The following KAZN variants were observed in gnomAD, a reference collection of about 807,000 sequenced individuals.
The protein encoded by KAZN is kazrin, periplakin interacting protein, also known as kazrin.
A neutral mutation model predicts 87.4 loss-of-function variants in KAZN; 40 were observed. That is an observed-to-expected ratio of 0.46 (90% confidence interval 0.36 to 0.60). The LOEUF is 0.60. Ranked by LOEUF, KAZN falls within the 20% of genes least tolerant of loss-of-function variation. KAZN has a pLI of 0.00. For missense variants in KAZN, 898 were observed against 1,073.9 expected, an observed-to-expected ratio of 0.84 and a Z score of 2.29; for synonymous variants, 466 against 458.3, an observed-to-expected ratio of 1.02 and a Z score of -0.22.
At chr1:14,927,788 TATTATTTTATTACG>T (rs1659329564) in intron 1 of KAZN, among the ~76,000 whole-genome samples, 1 of 152,174 alleles carries the variant, frequency 6.6e-6, no homozygotes, top group Non-Finnish European at 1.5e-5. Flanking sequence ...TAAAATTCTG[TATTATTTTATTACG>T]ATGATCATTT....
In KAZN at chr1:15,056,992, T is replaced by A. The variant is rs1014847155; in HGVS notation, c.916+712T>A. 6.6e-6 allele frequency among the ~76,000 whole-genome samples: 1 copy of A among 152,248 alleles called. No individual in the cohort carries two copies. The highest frequency in any genetic ancestry group is 1.5e-5 in the Non-Finnish European group (1 of 68,046). The stretch of plus-strand genomic sequence containing the variant: ...GGAACAGGCATCCAGCAGCAGCCAA[T>A]GCACCAGAGGTAAGAGCTGGTCACT... On this transcript the variant is annotated intron_variant, in intron 5 of 14. Transcript: ENST00000376030. This position sits in a 1 kb window ranked among gnomAD's most constrained non-coding sequence, Gnocchi z 5.4.
intron 1 of KAZN, among the ~76,000 whole-genome samples, chr1:14,101,804 A>G (rs1644253381): frequency 6.6e-6 from 1 of 152,360 alleles, no homozygotes; most frequent in East Asian, 1.9e-4. Context: ...CAGGATAAAC[A>G]TCTTCCTTAT....
chr1:14,614,627 C>G (rs1678079055), intron 1 of KAZN, among the ~76,000 whole-genome samples: 1 of 152,196 alleles, frequency 6.6e-6, no homozygotes, highest in South Asian at 2.1e-4. Context: ...CAAATGTGAT[C>G]TGGTTGGGAG....
intron 1 of KAZN, among the ~76,000 whole-genome samples, chr1:14,936,100 A>C (rs990165189): frequency 4.6e-5 from 7 of 152,230 alleles, no homozygotes; most frequent in African/African-American, 1.4e-4. Flanking sequence ...CAGTGTGTGG[A>C]AAGGCAGGGG....
intron 1 of KAZN, among the ~76,000 whole-genome samples, chr1:14,753,245 A>G (rs12067489): frequency 0.025 from 3,866 of 152,158 alleles, 182 homozygotes; most frequent in African/African-American, 0.089. Context: ...TTTTCTTTCA[A>G]TAGGTTTTTA....
intron 2 of KAZN, among the ~76,000 whole-genome samples, chr1:14,562,388 T>C (rs888126612): frequency 3.3e-5 from 5 of 152,208 alleles, no homozygotes; most frequent in African/African-American, 9.6e-5. Flanking sequence ...ATTTTGTAGC[T>C]TGACTCACCT....
intron 2 of KAZN, among the ~76,000 whole-genome samples, chr1:14,343,653 GATTC>G (rs1657899744): frequency 6.6e-6 from 1 of 152,140 alleles, no homozygotes; most frequent in African/African-American, 2.4e-5. Context: ...GATTTTTATT[GATTC>G]AGACTGGAAC....
chr1:14,067,371 C>T (rs903940972), intron 1 of KAZN, among the ~76,000 whole-genome samples: 2 of 152,176 alleles, frequency 1.3e-5, no homozygotes, highest in African/African-American at 2.4e-5. Flanking sequence ...GATGTTTCAG[C>T]GCACTGCTGG....
At chr1:14,967,387 G>A (rs537597487) in intron 2 of KAZN, among the ~76,000 whole-genome samples, 11 of 152,192 alleles carry the variant, frequency 7.2e-5, no homozygotes, top group East Asian at 3.9e-4. Context: ...TTCAGTCTCC[G>A]CATCCTCTAG....
chr1:14,133,192 C>A (rs1645027459), intron 1 of KAZN, among the ~76,000 whole-genome samples: 1 of 151,792 alleles, frequency 6.6e-6, no homozygotes, highest in African/African-American at 2.4e-5. Flanking sequence ...CATGGTGAAA[C>A]CCCATCTCTA....
chr1:14,522,070 A>T (rs556810656), intron 2 of KAZN, among the ~76,000 whole-genome samples: 1 of 152,178 alleles, frequency 6.6e-6, no homozygotes, highest in Non-Finnish European at 1.5e-5. Context: ...ACCAAATTTC[A>T]TAGACACATT....
At position 14,303,204 on chromosome 1, in the gene KAZN, G is replaced by A. The variant is rs184968345; in HGVS notation, c.249+122612G>A. Among the ~76,000 whole-genome samples the A allele has an allele frequency of 9.2e-5, 14 of 152,210 alleles. No individual in the cohort carries two copies. The East Asian group carries it at 1.4e-3, about 15-fold the overall frequency. On this transcript the variant is annotated intron_variant, in intron 2 of 16. Transcript: ENST00000636203. ...TAGCTGTGTCAAAATCATCTGGCTC[G>A]CTTGTTAGAAATGCAGATCTCTGAG...
At chr1:14,919,339 G>C (rs1316671140) in intron 1 of KAZN, among the ~76,000 whole-genome samples, 6 of 152,174 alleles carry the variant, frequency 3.9e-5, no homozygotes, top group Non-Finnish European at 7.3e-5. Context: ...ACCACACCTG[G>C]CTCACTTTTG....
At chr1:14,150,982 G>T (rs80126836) in intron 1 of KAZN, among the ~76,000 whole-genome samples, 9 of 148,184 alleles carry the variant, frequency 6.1e-5, no homozygotes, top group Non-Finnish European at 3.0e-5. Flanking sequence ...ACACACACAC[G>T]TGTGGGTGTA....
At chr1:15,003,107 AC>A (rs937615805) in intron 2 of KAZN, among the ~76,000 whole-genome samples, 54 of 152,076 alleles carry the variant, frequency 3.6e-4, no homozygotes, top group African/African-American at 1.2e-3. Context: ...CAAAGGCCCC[AC>A]GGCTGGGACG....
At chr1:14,410,049 G>A (rs1427712844) in intron 2 of KAZN, among the ~76,000 whole-genome samples, 1 of 152,138 alleles carries the variant, frequency 6.6e-6, no homozygotes, top group Non-Finnish European at 1.5e-5. Context: ...AGAGTTAAAA[G>A]GCAAAAATCA....
chr1:14,430,596 G>A (rs1665997225), intron 2 of KAZN, among the ~76,000 whole-genome samples: 1 of 152,128 alleles, frequency 6.6e-6, no homozygotes, highest in African/African-American at 2.4e-5. Context: ...ATGAATAAGA[G>A]GTGGACAGGA....
At chr1:14,900,016 A>G (rs111853343) in intron 1 of KAZN, among the ~76,000 whole-genome samples, 2,581 of 152,148 alleles carry the variant, frequency 0.017, 80 homozygotes, top group African/African-American at 0.058. Context: ...GGCTGCTTTC[A>G]AAGCAGATCC....
chr1:14,311,277 C>CA (rs201320161), intron 2 of KAZN, among the ~76,000 whole-genome samples: 2,095 of 152,240 alleles, frequency 0.014, 22 homozygotes, highest in Middle Eastern at 0.048. Context: ...GATATTGAAC[C>CA]TGACCTCTTT....
Sources: gnomAD v4.1 joint callset for allele counts (sites outside exome capture counted in the v4.1 genomes callset) on GRCh38, gnomAD v4.1.1 for gene constraint, Gnocchi (gnomAD v3.1) non-coding constraint, MANE v1.5 for transcripts, NCBI Gene and HGNC (gene_info 2026-07-23, HGNC 2026-07-21) for gene names.